The following AP4S1 variants were observed in gnomAD, a reference collection of about 807,000 sequenced individuals.
AP4S1 encodes AP-4 complex subunit sigma-1.
Under a neutral mutation model 19.8 loss-of-function variants are expected in AP4S1, and 23 were observed. The observed-to-expected ratio is 1.16, with a 90% CI of 0.84 to 1.65. The LOEUF (loss-of-function observed/expected upper bound fraction) is 1.65, where lower values mean the gene tolerates loss of function less well. AP4S1 is among the 40% of genes most tolerant of loss of function. AP4S1 has a pLI of 0.00. For missense variants in AP4S1, 166 were observed against 172.8 expected, an observed-to-expected ratio of 0.96 and a Z score of 0.22; for synonymous variants, 46 against 54.1, an observed-to-expected ratio of 0.85 and a Z score of 0.66.
At chr14:31,030,184 CG>C (rs1884306792) in intron 1 of AP4S1, among the ~76,000 whole-genome samples, 1 of 152,014 alleles carries the variant, frequency 6.6e-6, no homozygotes, top group African/African-American at 2.4e-5. Context: ...GATGGGTTTT[CG>C]CCATGTTGCA....
chr14:31,093,161 A>T lies in AP4S1; in HGVS notation c.*126A>T. 1.1e-6 allele frequency: 1 copy of T among 938,792 alleles called. No individual in the cohort carries two copies. The highest frequency in any genetic ancestry group is 1.5e-6 in the Non-Finnish European group (1 of 661,730). The allele number at this position is 938,792 out of a possible 1,614,324, so 58.2% of individuals were successfully genotyped here. A position where few individuals can be genotyped will look rare whatever the true frequency, so the allele number is the denominator to read the frequency against. The stretch of plus-strand genomic sequence containing the variant: ...CAAAATGGGGTATCCTTCCAAAGAC[A>T]TTATAAATAGGCATTTTCCACAGTT... On this transcript the variant is annotated 3_prime_UTR_variant, in exon 6 of 6. Transcript: ENST00000542754.
At chr14:31,063,179 C>CCAGCACTTTG (rs1886536605) in intron 1 of AP4S1, among the ~76,000 whole-genome samples, 1 of 152,034 alleles carries the variant, frequency 6.6e-6, no homozygotes, top group Non-Finnish European at 1.5e-5. Context: ...GCCTGTAATC[C>CCAGCACTTTG]CAGCACTTTG....
intron 2 of AP4S1, among the ~76,000 whole-genome samples, chr14:31,069,641 A>G (rs1483862954): frequency 6.6e-6 from 1 of 152,214 alleles, no homozygotes; most frequent in African/African-American, 2.4e-5. Context: ...CTTTTTTCCA[A>G]TACTTCTCCA....
chr14:31,080,487 C>T (rs1285444455), intron 4 of AP4S1, 86 bp from the exon 5 acceptor site: 2 of 1,166,172 alleles, frequency 1.7e-6, no homozygotes, highest in Non-Finnish European at 2.5e-6. Context: ...GCTATGGACG[C>T]AGAAGCCTCT....
intron 2 of AP4S1, 38 bp from the exon 3 acceptor site, chr14:31,069,805 C>T: frequency 1.3e-6 from 2 of 1,488,700 alleles, no homozygotes; most frequent in Non-Finnish European, 1.9e-6. Flanking sequence ...AACTCTCTCT[C>T]AGCCACAGGA....
intron 1 of AP4S1, among the ~76,000 whole-genome samples, chr14:31,031,254 A>G (rs1272478552): frequency 6.6e-6 from 1 of 152,136 alleles, no homozygotes; most frequent in Non-Finnish European, 1.5e-5. Context: ...GTCTCAGGAA[A>G]GTTCTTTGTA....
intron 1 of AP4S1, among the ~76,000 whole-genome samples, chr14:31,043,878 G>A (rs999631382): frequency 2.0e-5 from 3 of 152,078 alleles, no homozygotes; most frequent in Non-Finnish European, 4.4e-5. Context: ...AAAGAATCTC[G>A]CAGTTGCCAT....
In AP4S1 at chr14:31,077,860, C is replaced by T. The variant is rs549259901; in HGVS notation, c.295-2713C>T. ...AAGCAATTCTCCCACCTCAACCTCC[C>T]GAGTAGCTGGGATGACAGGCACGTG... On this transcript the variant is annotated intron_variant, in intron 4 of 5. Coordinates refer to ENST00000542754, the MANE Select transcript of AP4S1 (RefSeq NM_001128126.3). 2.2e-4 allele frequency among the ~76,000 whole-genome samples: 33 copies of T among 151,900 alleles called. 1 individual carries two copies. Among genetic ancestry groups the T allele is most frequent in the African/African-American group, 6.8e-4 (28 of 41,432 alleles).
In AP4S1 at chr14:31,093,103, G is replaced by T. The variant is rs1353393537; in HGVS notation, c.*68G>T. 7 of 1,468,020 alleles carry T rather than the reference G, an allele frequency of 4.8e-6. No homozygotes were observed. The highest frequency in any genetic ancestry group is 6.4e-6 in the Non-Finnish European group (7 of 1,101,884). 90.9% of individuals were successfully genotyped at this position (1,468,020 alleles called of 1,614,324 possible). A position where few individuals can be genotyped will look rare whatever the true frequency, so the allele number is the denominator to read the frequency against. On this transcript the variant is annotated 3_prime_UTR_variant, in exon 6 of 6. Coordinates refer to ENST00000542754, the MANE Select transcript of AP4S1 (RefSeq NM_001128126.3). ...AGTACCGTGGAATACATCTCAACATGTTAACCCAGAAGAATCTGGAAGACC... is the reference window on the plus strand; with the variant it reads ...AGTACCGTGGAATACATCTCAACATTTTAACCCAGAAGAATCTGGAAGACC...
intron 4 of AP4S1, among the ~76,000 whole-genome samples, chr14:31,075,937 C>G (rs1030258193): frequency 6.6e-6 from 1 of 152,188 alleles, no homozygotes; most frequent in Non-Finnish European, 1.5e-5. Context: ...CGGGGTTTCT[C>G]CATGTTGAGG....
At chr14:31,051,052 C>A (rs980760581) in intron 1 of AP4S1, among the ~76,000 whole-genome samples, 2 of 151,852 alleles carry the variant, frequency 1.3e-5, no homozygotes, top group African/African-American at 4.8e-5. Context: ...CCCAGGAGTT[C>A]AAAACCAGCC....
At chr14:31,055,593 T>A (rs911837528) in intron 1 of AP4S1, among the ~76,000 whole-genome samples, 5 of 152,228 alleles carry the variant, frequency 3.3e-5, no homozygotes. Flanking sequence ...GTTCATGCTC[T>A]TGACTATTAA....
At chr14:31,030,991 C>A (rs141607623) in intron 1 of AP4S1, among the ~76,000 whole-genome samples, 36 of 152,210 alleles carry the variant, frequency 2.4e-4, no homozygotes, top group Admixed American at 6.5e-4. Flanking sequence ...CAATTGTAAT[C>A]CCCACGTGTC....
intron 4 of AP4S1, among the ~76,000 whole-genome samples, chr14:31,073,635 C>T (rs1887186641): frequency 6.7e-6 from 1 of 149,850 alleles, no homozygotes; most frequent in Non-Finnish European, 1.5e-5. Flanking sequence ...CAGAGTTTCG[C>T]TCTTGTTGCC....
At chr14:31,091,396 G>A (rs1401420276) in intron 5 of AP4S1, among the ~76,000 whole-genome samples, 1 of 152,022 alleles carries the variant, frequency 6.6e-6, no homozygotes, top group Admixed American at 6.6e-5. Flanking sequence ...TCTCACCTAA[G>A]TTCTGGCTTC....
intron 5 of AP4S1, 88 bp downstream of exon 5, chr14:31,080,672 T>C: frequency 6.3e-7 from 1 of 1,575,638 alleles, no homozygotes; most frequent in Non-Finnish European, 8.7e-7. Flanking sequence ...GGAAAACTAT[T>C]CAGCAGAGTC....
chr14:31,034,018 A>C (rs1026552110), intron 1 of AP4S1, among the ~76,000 whole-genome samples: 7 of 152,240 alleles, frequency 4.6e-5, no homozygotes, highest in African/African-American at 1.7e-4. Context: ...ATGAACAACC[A>C]GGTCTGTAAA....
rs974879750 is a variant in AP4S1, at chr14:31,096,010, A to G, written c.*2975A>G. ...TGTGGTAGGAGGATCACTTGAACCC[A>G]GGAGACAGAGGTTGCAGTGAGTTGA... is the stretch of plus-strand genomic sequence containing the variant. On this transcript the variant is annotated 3_prime_UTR_variant, in exon 6 of 6. Transcript: ENST00000542754. 3.4e-5 allele frequency: 5 copies of G among 148,746 alleles called. No homozygotes were observed. The highest frequency in any genetic ancestry group is 5.9e-5 in the Non-Finnish European group (4 of 67,568). The allele number at this position is 148,746 out of a possible 1,614,324, so 9.2% of individuals were successfully genotyped here. A position where few individuals can be genotyped will look rare whatever the true frequency, so the allele number is the denominator to read the frequency against.
chr14:31,092,866 T>C lies in AP4S1; in HGVS notation c.307-41T>C, dbSNP rs58023664. On this transcript the variant is annotated intron_variant, in intron 5 of 5. Transcript: ENST00000542754. The stretch of plus-strand genomic sequence containing the variant: ...GCCATAAATTTTTACTGAATGTTAA[T>C]AATTTTTAACTTTAAACTAATTTCC... 4.5e-3 allele frequency: 6,443 copies of C among 1,430,242 alleles called. 196 individuals carry two copies. The African/African-American group carries it at 0.068, about 15-fold the overall frequency. 88.6% of individuals were successfully genotyped at this position (1,430,242 alleles called of 1,614,324 possible).
Sources: gnomAD v4.1 joint callset for allele counts (sites outside exome capture counted in the v4.1 genomes callset) on GRCh38, gnomAD v4.1.1 for gene constraint, MANE v1.5 for transcripts, NCBI Gene and HGNC (gene_info 2026-07-23, HGNC 2026-07-21) for gene names.